The following NHSL2 variants were observed in gnomAD, a reference collection of about 807,000 sequenced individuals.
NHSL2 encodes the protein NHS-like protein 2.
A neutral mutation model predicts 53.4 loss-of-function variants in NHSL2; 27 were observed. The observed-to-expected ratio is 0.51, with a 90% CI of 0.37 to 0.70. The LOEUF (loss-of-function observed/expected upper bound fraction) is 0.70, where lower values mean the gene tolerates loss of function less well. NHSL2 is among the 30% of genes least tolerant of loss of function. The pLI, the probability that NHSL2 is intolerant of heterozygous loss-of-function variation, is 0.00. For synonymous variants in NHSL2, 408 were observed against 404.1 expected, an observed-to-expected ratio of 1.01 and a Z score of -0.12; for missense variants, 892 against 980.1, an observed-to-expected ratio of 0.91 and a Z score of 1.20.
chrX:72,035,935 C>T (rs979330294), intron 1 of NHSL2, among the ~76,000 whole-genome samples: 13 of 111,706 alleles, frequency 1.2e-4, no homozygotes, highest in African/African-American at 3.3e-4. Flanking sequence ...ACCTGAGCTC[C>T]GCCTCCTGTC....
At chrX:72,088,371 T>G (rs920118694) in intron 1 of NHSL2, among the ~76,000 whole-genome samples, 1 of 112,748 alleles carries the variant, frequency 8.9e-6, no homozygotes, top group Non-Finnish European at 1.9e-5. Flanking sequence ...CTTCTACAAG[T>G]TAACTTTTAA....
chrX:72,143,470 C>A lies in NHSL2; in HGVS notation c.3574C>A (p.Arg1192Ser). ...GGGAAGTAAGGCAACTCCAAGGTCTCGTCCCTCAGCAGCTGAACTTCTGAA... is the reference window on the plus strand; with the variant it reads ...GGGAAGTAAGGCAACTCCAAGGTCTAGTCCCTCAGCAGCTGAACTTCTGAA... ...KKGSKATPRS[R>S]PSAAELLKTT... Residue 1192 changes from arginine to serine, a missense_variant, in exon 8 of 8, where the codon CGT becomes AGT. Physicochemically the swap from Arg to Ser is moderately radical, Grantham distance 110. Coordinates refer to ENST00000633930, the MANE Select transcript of NHSL2 (RefSeq NM_001013627.3). 1 of 1,165,702 alleles carries A rather than the reference C, an allele frequency of 8.6e-7. No homozygotes were observed. The highest frequency in any genetic ancestry group is 1.1e-6 in the Non-Finnish European group (1 of 871,115).
At chrX:72,127,405 C>T (rs1215934625) in intron 1 of NHSL2, 6 of 110,228 alleles carry the variant, frequency 5.4e-5, no homozygotes, top group Non-Finnish European at 7.6e-5. Context: ...AAAGGGAAGC[C>T]CAAGCCCCTC....
At chrX:71,923,524 A>G (rs1441753599) in intron 1 of NHSL2, among the ~76,000 whole-genome samples, 1 of 112,277 alleles carries the variant, frequency 8.9e-6, no homozygotes, top group African/African-American at 3.2e-5. Flanking sequence ...GTGGTCCTGT[A>G]GTGCCAGGTG....
At chrX:72,065,132 C>A (rs764294338) in intron 1 of NHSL2, among the ~76,000 whole-genome samples, 1 of 111,670 alleles carries the variant, frequency 9.0e-6, no homozygotes, top group South Asian at 3.7e-4. Flanking sequence ...GGTGGGGGAA[C>A]AAGGACCAAG....
intron 1 of NHSL2, among the ~76,000 whole-genome samples, chrX:72,070,735 A>C (rs2147404967): frequency 1.0e-5 from 1 of 96,883 alleles, no homozygotes; most frequent in African/African-American, 3.9e-5. Context: ...AGCACCCACC[A>C]CCCCCACCAC....
At chrX:71,938,008 C>T (rs929372437) in intron 1 of NHSL2, among the ~76,000 whole-genome samples, 63 of 112,054 alleles carry the variant, frequency 5.6e-4, no homozygotes, top group African/African-American at 1.9e-3. Flanking sequence ...TACTTCTGTG[C>T]CGTTGGCCAG....
chrX:71,950,075 T>C (rs1216906075), intron 1 of NHSL2, among the ~76,000 whole-genome samples: 1 of 113,462 alleles, frequency 8.8e-6, no homozygotes, highest in Non-Finnish European at 1.9e-5. Flanking sequence ...TTCCAAGTGG[T>C]GGGTCTGGAT....
intron 1 of NHSL2, among the ~76,000 whole-genome samples, chrX:72,018,640 C>G (rs1413683255): frequency 8.9e-6 from 1 of 112,675 alleles, no homozygotes; most frequent in Non-Finnish European, 1.9e-5. Flanking sequence ...CGGGCGCAGC[C>G]GGCGCGATGA....
Position 72,132,199 on chromosome X carries a change from G to A in NHSL2, c.401G>A (p.Arg134Gln), listed in dbSNP as rs1164619117. The A allele has an allele frequency of 8.6e-7, 1 of 1,163,582 alleles. No homozygotes were observed. Among genetic ancestry groups the A allele is most frequent in the African/African-American group, 1.8e-5 (1 of 55,691 alleles). The change falls in exon 2 of 8, where the codon CGG becomes CAG. Residue 134 changes from arginine (R) to glutamine (Q), a missense_variant. Transcript: ENST00000633930. ...GRPPSVEELL[R>Q]EAQLNLQSLL... The stretch of plus-strand genomic sequence containing the variant: ...CCCCCGAGTGTAGAGGAGCTGCTTC[G>A]GGAGGCGCAGCTCAATCTCCAGAGC...
At chrX:72,119,496 T>C (rs760095731) in intron 1 of NHSL2, among the ~76,000 whole-genome samples, 1 of 112,706 alleles carries the variant, frequency 8.9e-6, no homozygotes, top group Non-Finnish European at 1.9e-5. Flanking sequence ...TTTATTGTTA[T>C]GTGTTTTATT....
At chrX:72,130,985 C>G in intron 1 of NHSL2, 1 of 1,210,981 alleles carries the variant, frequency 8.3e-7, no homozygotes, top group Non-Finnish European at 1.1e-6. Context: ...GCCACCCGCT[C>G]GGCGCCCCCG....
chrX:72,040,713 C>T (rs945361310), intron 1 of NHSL2, among the ~76,000 whole-genome samples: 2 of 112,476 alleles, frequency 1.8e-5, no homozygotes, highest in African/African-American at 3.2e-5. Context: ...CTCCACAGAG[C>T]TGTCACTTTG....
intron 1 of NHSL2, chrX:72,131,331 C>A (rs907512902): frequency 8.3e-7 from 1 of 1,200,140 alleles, no homozygotes; most frequent in African/African-American, 1.8e-5. Context: ...TGAGCGCGAA[C>A]TCCAAGTTCT....
At chrX:71,974,543 C>A (rs1354898448) in intron 1 of NHSL2, among the ~76,000 whole-genome samples, 1 of 112,149 alleles carries the variant, frequency 8.9e-6, no homozygotes, top group East Asian at 2.8e-4. Flanking sequence ...AGGGCCTTCT[C>A]TGCTGTTGCT....
chrX:71,933,688 A>G (rs1396394878), intron 1 of NHSL2, among the ~76,000 whole-genome samples: 2 of 111,376 alleles, frequency 1.8e-5, no homozygotes, highest in Non-Finnish European at 3.8e-5. Flanking sequence ...AGCATGTAAT[A>G]TCCTTGCCAC....
At chrX:72,063,944 T>C (rs2042413406) in intron 1 of NHSL2, among the ~76,000 whole-genome samples, 1 of 110,961 alleles carries the variant, frequency 9.0e-6, no homozygotes, top group Non-Finnish European at 1.9e-5. Context: ...AAGTCGATTC[T>C]GGCTGTCAGG....
intron 1 of NHSL2, among the ~76,000 whole-genome samples, chrX:72,019,287 C>T (rs1489363331): frequency 1.8e-5 from 2 of 112,160 alleles, no homozygotes; most frequent in African/African-American, 6.5e-5. Context: ...TTGGTCATTT[C>T]ATTATTCATT....
intron 1 of NHSL2, among the ~76,000 whole-genome samples, chrX:71,946,313 G>A (rs2041792278): frequency 8.9e-6 from 1 of 112,251 alleles, no homozygotes; most frequent in Non-Finnish European, 1.9e-5. Flanking sequence ...CAGGCAGAGG[G>A]CATAGCCTGC....
Sources: gnomAD v4.1 joint callset for allele counts (sites outside exome capture counted in the v4.1 genomes callset) on GRCh38, gnomAD v4.1.1 for gene constraint, MANE v1.5 for transcripts, NCBI Gene and HGNC (gene_info 2026-07-23, HGNC 2026-07-21) for gene names.